Variants in POLQ observed in about 807,000 individuals in gnomAD.
POLQ encodes epididymis secretory sperm binding protein.
A neutral mutation model predicts 259.2 loss-of-function variants in POLQ; 233 were observed. The observed-to-expected ratio is 0.90, with a 90% CI of 0.81 to 1.00. The LOEUF is 1.00. Among genes scored for constraint, POLQ ranks in the 50% least tolerant of loss-of-function variants. POLQ has a pLI of 0.00. For synonymous variants in POLQ, 1,025 were observed against 1,048.8 expected, an observed-to-expected ratio of 0.98 and a Z score of 0.44; for missense variants, 2,871 against 3,051.6, an observed-to-expected ratio of 0.94 and a Z score of 1.39.
At chr3:121,475,291 G>T (rs1270363595) in intron 20 of POLQ, among the ~76,000 whole-genome samples, 2 of 152,082 alleles carry the variant, frequency 1.3e-5, no homozygotes, top group Admixed American at 1.3e-4. Flanking sequence ...TCCACATATA[G>T]TGAGATCATC....
rs2048053928 is a variant in POLQ at position 121,490,080 on chromosome 3, G to T, written c.2851C>A (p.His951Asn). The T allele has an allele frequency of 1.1e-5, 17 of 1,582,042 alleles. No homozygotes were observed. Among genetic ancestry groups the T allele is most frequent in the Non-Finnish European group, 1.5e-5 (17 of 1,161,470 alleles). ...AAGTCTTGCACTATATTTGGTGAATGCTTAATATAAGAATCACTAAATATT... is the reference window on the plus strand; with the variant it reads ...AAGTCTTGCACTATATTTGGTGAATTCTTAATATAAGAATCACTAAATATT... ...NTIFSDSYIK[H>N]SPNIVQDLNK... is the part of the protein sequence containing the mutation. The change falls in exon 16 of 30, where the codon CAT (histidine) becomes AAT (asparagine). Residue 951 changes from histidine to asparagine, a missense_variant. By Grantham distance (68) the His-to-Asn change is moderately conservative. Transcript: ENST00000264233.
intron 8 of POLQ, chr3:121,521,704 G>A (rs1284584083): frequency 6.1e-6 from 1 of 163,680 alleles, no homozygotes; most frequent in Non-Finnish European, 1.3e-5. Flanking sequence ...CTGAGAAGCT[G>A]GAATTACAGG....
chr3:121,527,971 G>A (rs2048384373), intron 7 of POLQ, among the ~76,000 whole-genome samples: 1 of 152,172 alleles, frequency 6.6e-6, no homozygotes. Flanking sequence ...GCAGCAGGAG[G>A]TGGCTATAAA....
At chr3:121,442,709 C>T (rs757516254) in intron 26 of POLQ, among the ~76,000 whole-genome samples, 2 of 152,192 alleles carry the variant, frequency 1.3e-5, no homozygotes, top group Non-Finnish European at 2.9e-5. Flanking sequence ...ACTGAGGATG[C>T]TTCCAAATCC....
chr3:121,434,390 C>T (rs551455114), intron 28 of POLQ, among the ~76,000 whole-genome samples: 1 of 152,336 alleles, frequency 6.6e-6, no homozygotes, highest in Admixed American at 6.5e-5. Context: ...ACAAATACTT[C>T]AGTCAGGTAT....
At position 121,476,650 on chromosome 3, in the gene POLQ, A is replaced by G. The variant is rs1489735920; in HGVS notation, c.6295T>C (p.Cys2099Arg). 5 of 1,613,684 alleles carry G rather than the reference A, an allele frequency of 3.1e-6. No homozygotes were observed. Among genetic ancestry groups the G allele is most frequent in the African/African-American group, 1.3e-5 (1 of 74,936 alleles). The change falls in exon 20 of 30, where the codon TGT becomes CGT. Residue 2099 changes from cysteine (C) to arginine (R), a missense_variant. This residue lies in a region of POLQ where 2,080 missense variants were observed against 2,126.0 expected (regional missense o/e 0.98). Transcript: ENST00000264233. ...TGCATTATATGTTTCTGACTTTCAC[A>G]TTCTGCAGTACTAAAGCCAATTCCA... Reference protein sequence around the residue: ...LNGIGFSTAECESQKHIMQAK... With the variant: ...LNGIGFSTAERESQKHIMQAK...
In POLQ at chr3:121,488,566, C is replaced by T; in HGVS notation, c.4365G>A (p.Val1455=). 3.7e-6 allele frequency: 6 copies of T among 1,611,428 alleles called. No individual in the cohort carries two copies. The highest frequency in any genetic ancestry group is 5.1e-6 in the Non-Finnish European group (6 of 1,179,152). ...FLQGYQTQET[V]KPVILLIPQK... ...GAGGAATCAGAAGTATAACTGGTTTCACAGTTTCTTGTGTTTGATAACCTT... is the reference window on the plus strand; with the variant it reads ...GAGGAATCAGAAGTATAACTGGTTTTACAGTTTCTTGTGTTTGATAACCTT... Residue 1455 remains valine (V), a synonymous_variant, in exon 16 of 30, where the codon GTG becomes GTA. Coordinates refer to ENST00000264233, the MANE Select transcript of POLQ (RefSeq NM_199420.4).
intron 13 of POLQ, 31 bp from the exon 14 acceptor site, chr3:121,496,963 A>C: frequency 6.2e-7 from 1 of 1,609,448 alleles, no homozygotes; most frequent in South Asian, 1.1e-5. Flanking sequence ...GCGTGGTAAG[A>C]GATCCTTCAC....
At chr3:121,471,023 C>T (rs576817025) in intron 22 of POLQ, among the ~76,000 whole-genome samples, 9 of 152,308 alleles carry the variant, frequency 5.9e-5, no homozygotes, top group African/African-American at 2.2e-4. Flanking sequence ...GATTCAAACC[C>T]TGATTTCTGA....
At chr3:121,440,734 T>C (rs1309900220) in intron 26 of POLQ, among the ~76,000 whole-genome samples, 1 of 152,148 alleles carries the variant, frequency 6.6e-6, no homozygotes, top group African/African-American at 2.4e-5. Context: ...TTAAGACTAT[T>C]CCACATCACT....
chr3:121,515,201 C>T (rs2331897), intron 9 of POLQ, among the ~76,000 whole-genome samples: 1,981 of 152,196 alleles, frequency 0.013, 14 homozygotes, highest in Non-Finnish European at 0.021. Context: ...GGATCTCTGT[C>T]ACTCACATAG....
At chr3:121,486,364 C>T (rs2048010494) in intron 16 of POLQ, among the ~76,000 whole-genome samples, 1 of 151,616 alleles carries the variant, frequency 6.6e-6, no homozygotes, top group South Asian at 2.1e-4. Context: ...TCCTGGCTAA[C>T]ACAGTGAAAC....
chr3:121,517,048 T>C (rs2048302913), intron 9 of POLQ, among the ~76,000 whole-genome samples: 1 of 152,234 alleles, frequency 6.6e-6, no homozygotes, highest in Non-Finnish European at 1.5e-5. Context: ...GCTAAGAACA[T>C]AACAAGGCAA....
At chr3:121,433,295 T>C (rs1029211781) in intron 28 of POLQ, among the ~76,000 whole-genome samples, 1 of 152,160 alleles carries the variant, frequency 6.6e-6, no homozygotes, top group African/African-American at 2.4e-5. Flanking sequence ...CAAGCTCTAG[T>C]CCAACTTATT....
At chr3:121,519,734 T>A in intron 9 of POLQ, 137 bp downstream of exon 9, 1 of 610,328 alleles carries the variant, frequency 1.6e-6, no homozygotes, top group Non-Finnish European at 3.0e-6. Context: ...ATTAAGTGAA[T>A]CCAAAATGAT....
chr3:121,500,170 T>C (rs1328559190), intron 12 of POLQ, among the ~76,000 whole-genome samples: 1 of 151,394 alleles, frequency 6.6e-6, no homozygotes, highest in East Asian at 1.9e-4. Context: ...TGGTCCCAGC[T>C]ACTTGGGAGG....
Position 121,544,726 on chromosome 3 carries a change from C to A in POLQ, c.343+1G>T, listed in dbSNP as rs2048516795. The A allele has an allele frequency of 6.3e-7, 1 of 1,585,096 alleles. No homozygotes were observed. The highest frequency in any genetic ancestry group is 1.7e-5 in the Admixed American group (1 of 59,382). ...TAATTAGTTTACATAAATTTGGATA[C>A]CTGAATAAACTAAATTCTTTCCTTC... is the stretch of plus-strand genomic sequence containing the variant. On this transcript the variant is annotated splice_donor_variant, in intron 2 of 29. Coordinates refer to ENST00000264233, the MANE Select transcript of POLQ (RefSeq NM_199420.4). LOFTEE classifies it high-confidence loss of function.
chr3:121,436,204 G>A lies in POLQ; in HGVS notation c.7461C>T (p.Asn2487=). 1 of 1,613,608 alleles carries A rather than the reference G, an allele frequency of 6.2e-7. No homozygotes were observed. Among genetic ancestry groups the A allele is most frequent in the Non-Finnish European group, 8.5e-7 (1 of 1,179,500 alleles). The change falls in exon 28 of 30, where the codon AAC becomes AAT. Residue 2487 remains asparagine (N), a synonymous_variant. Coordinates refer to ENST00000264233, the MANE Select transcript of POLQ (RefSeq NM_199420.4). ...GGAAGGTCTCTAATTGCTTCTGAAT[G>A]TTAACTGTGGCTATTTTGACAATAT... The part of the protein sequence containing the change: ...AADIVKIATV[N]IQKQLETFHS...
chr3:121,454,985 T>C (rs1490823217), intron 25 of POLQ, among the ~76,000 whole-genome samples: 1 of 151,908 alleles, frequency 6.6e-6, no homozygotes, highest in Non-Finnish European at 1.5e-5. Context: ...GTTGGAAGTA[T>C]AGCACTCCTC....
Sources: allele counts gnomAD v4.1 joint callset (sites outside exome capture counted in the v4.1 genomes callset), GRCh38; gene constraint gnomAD v4.1.1; regional missense constraint gnomAD v4.1.1; transcripts MANE v1.5; gene names NCBI Gene and HGNC (gene_info 2026-07-23, HGNC 2026-07-21).